The following HEATR4 variants were observed in gnomAD, a reference collection of about 807,000 sequenced individuals.
HEATR4 encodes the protein HEAT repeat-containing protein 4.
HEATR4 carries 95 observed loss-of-function variants against 108.8 expected under a neutral mutation model. The observed-to-expected ratio is 0.87, with a 90% CI of 0.74 to 1.04. HEATR4 has a LOEUF of 1.04. Ranked by LOEUF, HEATR4 falls within the 50% of genes least tolerant of loss-of-function variation. The pLI is 0.00. For synonymous variants in HEATR4, 443 were observed against 459.4 expected, an observed-to-expected ratio of 0.96 and a Z score of 0.46; for missense variants, 1,152 against 1,253.8, an observed-to-expected ratio of 0.92 and a Z score of 1.23.
the HEATR4 span, among the ~76,000 whole-genome samples, chr14:73,625,160 G>A: frequency 3.3e-5 from 5 of 151,942 alleles, no homozygotes; most frequent in East Asian, 3.9e-4. Flanking sequence ...CTGGATTCAA[G>A]CGATTCTCCT....
chr14:73,571,167 G>T, the HEATR4 span: 1 of 151,600 alleles, frequency 6.6e-6, no homozygotes, highest in Middle Eastern at 3.1e-3. Context: ...CCCGCTGGCT[G>T]GCTATGATCT....
intron 2 of HEATR4, among the ~76,000 whole-genome samples, chr14:73,524,813 A>T (rs1209849385): frequency 2.6e-5 from 4 of 151,832 alleles, no homozygotes; most frequent in Non-Finnish European, 5.9e-5. Flanking sequence ...AGAGACCATT[A>T]TTCCATATGT....
the HEATR4 span, among the ~76,000 whole-genome samples, chr14:73,566,374 T>C: frequency 1.3e-5 from 2 of 151,980 alleles, no homozygotes; most frequent in African/African-American, 2.4e-5. Context: ...CTGGGCTCCG[T>C]GGAGCAGGGG....
At position 73,512,048 on chromosome 14, in the gene HEATR4, C is replaced by T. The variant is rs779573593; in HGVS notation, c.1516G>A (p.Ala506Thr). 6.2e-7 allele frequency: 1 copy of T among 1,614,090 alleles called. No individual in the cohort carries two copies. The highest frequency in any genetic ancestry group is 1.7e-5 in the Admixed American group (1 of 60,008). The stretch of plus-strand genomic sequence containing the variant: ...GTGGCAATCCGGGGCCGTTCCAAAG[C>T]AGCTGTGGCACATGTGGTGATAGCT... Reference protein sequence around the residue: ...IKAITTCATAALERPRIATSQ... With the variant: ...IKAITTCATATLERPRIATSQ... Residue 506 changes from alanine to threonine, a missense_variant, in exon 7 of 18, where the codon GCT becomes ACT. Transcript: ENST00000553558.
At position 73,512,048 on chromosome 14, in the gene HEATR4, C is replaced by A; in HGVS notation, c.1516G>T (p.Ala506Ser). The A allele has an allele frequency of 6.2e-7, 1 of 1,614,090 alleles. No homozygotes were observed. ...IKAITTCATAALERPRIATSQ... is the reference protein window; with the variant it reads ...IKAITTCATASLERPRIATSQ... ...GTGGCAATCCGGGGCCGTTCCAAAG[C>A]AGCTGTGGCACATGTGGTGATAGCT... Residue 506 changes from alanine to serine, a missense_variant, in exon 7 of 18, where the codon GCT (alanine) becomes TCT (serine). Coordinates refer to ENST00000553558, the MANE Select transcript of HEATR4 (RefSeq NM_001220484.1).
At chr14:73,602,813 C>A in the HEATR4 span, among the ~76,000 whole-genome samples, 16 of 152,102 alleles carry the variant, frequency 1.1e-4, no homozygotes, top group Non-Finnish European at 1.5e-5. Context: ...TGTAACTAAC[C>A]ACGTCAAATA....
rs1340134703 is a variant in HEATR4 at position 73,553,385 on chromosome 14, C to A, written c.-152+5366G>T. 9.8e-5 allele frequency among the ~76,000 whole-genome samples: 11 copies of A among 112,238 alleles called. 3 individuals are homozygous for A. The highest frequency in any genetic ancestry group is 2.9e-4 in the South Asian group (1 of 3,500). 73.6% of individuals were successfully genotyped at this position (112,238 alleles called of 152,430 possible). A position where few individuals can be genotyped will look rare whatever the true frequency, so the allele number is the denominator to read the frequency against. ...AATTAGCTGGGCTTGGTAGCACTCG[C>A]CTGTAATCCCAGCTACGGGGGAGGC... On this transcript the variant is annotated intron_variant, in intron 1 of 17. Transcript: ENST00000553558.
At chr14:73,569,042 G>A in the HEATR4 span, 5 of 672,916 alleles carry the variant, frequency 7.4e-6, no homozygotes, top group African/African-American at 3.6e-5. Flanking sequence ...CCATTCCGCA[G>A]GCCAGCAAGC....
the HEATR4 span, among the ~76,000 whole-genome samples, chr14:73,628,628 C>G: frequency 6.6e-6 from 1 of 152,160 alleles, no homozygotes. Flanking sequence ...TGGCGCATGC[C>G]TGTAATCCCA....
the HEATR4 span, among the ~76,000 whole-genome samples, chr14:73,593,443 A>G: frequency 7.2e-6 from 1 of 138,832 alleles, no homozygotes; most frequent in African/African-American, 2.7e-5. Context: ...GGCTCAAGTG[A>G]TCCTCCCTCC....
At position 73,522,978 on chromosome 14, in the gene HEATR4, G is replaced by C. The variant is rs751814732; in HGVS notation, c.175C>G (p.Arg59Gly). 1 of 1,614,078 alleles carries C rather than the reference G, an allele frequency of 6.2e-7. No individual in the cohort carries two copies. The highest frequency in any genetic ancestry group is 8.5e-7 in the Non-Finnish European group (1 of 1,180,042). The change falls in exon 3 of 18, where the codon CGC becomes GGC. Residue 59 changes from arginine (R) to glycine (G), a missense_variant. By Grantham distance (125) the Arg-to-Gly change is moderately radical (BLOSUM62 -2). Coordinates refer to ENST00000553558, the MANE Select transcript of HEATR4 (RefSeq NM_001220484.1). Reference sequence around the variant, plus strand: ...GCCATTTTCAAATATTGGCTCTTGCGGTGTAGACGGTACTGTGAGCTGAAG... The same window carrying C: ...GCCATTTTCAAATATTGGCTCTTGCCGTGTAGACGGTACTGTGAGCTGAAG... ...VFFSSQYRLH[R>G]KSQYLKMAAA... is the part of the protein sequence containing the mutation.
rs1448569929 is a variant in HEATR4, at chr14:73,492,493, T to C, written c.2844+573A>G. The C allele has an allele frequency of 5.6e-6, 9 of 1,613,582 alleles. No homozygotes were observed. In the African/African-American group the frequency reaches 9.3e-5, roughly 17 times the overall value. On this transcript the variant is annotated intron_variant, in intron 17 of 17. Transcript: ENST00000553558. The surrounding 1 kb of genome is among the most constrained non-coding windows in gnomAD (Gnocchi z 4.9). Reference sequence around the variant, plus strand: ...TGGTTGCCCGCCTGGGACACTTTGCTCCTGTTGATGCTGTGGCCGACCAGC... The same window carrying C: ...TGGTTGCCCGCCTGGGACACTTTGCCCCTGTTGATGCTGTGGCCGACCAGC...
chr14:73,577,394 G>A, the HEATR4 span, among the ~76,000 whole-genome samples: 25 of 137,180 alleles, frequency 1.8e-4, 1 homozygote, highest in African/African-American at 6.3e-4. Context: ...AAGAATGCCA[G>A]TGCTGGGCAT....
In HEATR4 at chr14:73,548,245, TAAAG is replaced by T. The variant is rs1379363278; in HGVS notation, c.-152+10502_-152+10505del. On this transcript the variant is annotated intron_variant, in intron 1 of 17. Coordinates refer to ENST00000553558, the MANE Select transcript of HEATR4 (RefSeq NM_001220484.1). ...CCAATATAATAAGAGTGAGGTGTGA[TAAAG>T]AGAGTGAGTTTTATTATCCATGCTA... Among the ~76,000 whole-genome samples, 5 of 115,680 alleles carry T rather than the reference TAAAG, an allele frequency of 4.3e-5. 1 individual carries two copies. In the Admixed American group the frequency reaches 4.9e-4, roughly 11 times the overall value. 75.9% of individuals were successfully genotyped at this position (115,680 alleles called of 152,430 possible).
intron 8 of HEATR4, among the ~76,000 whole-genome samples, chr14:73,508,967 A>C (rs1566831375): frequency 1.3e-5 from 2 of 151,980 alleles, no homozygotes; most frequent in East Asian, 3.9e-4. Context: ...ATAAGCATGT[A>C]TATATAGGTC....
At chr14:73,573,292 G>C in the HEATR4 span, 1 of 1,560,764 alleles carries the variant, frequency 6.4e-7, no homozygotes, top group Non-Finnish European at 8.8e-7. Context: ...GAGTGGGATT[G>C]CTGGGTCACA....
chr14:73,490,991 G>A (rs1419583594), intron 17 of HEATR4: 3 of 1,345,772 alleles, frequency 2.2e-6, no homozygotes, highest in Non-Finnish European at 2.9e-6. Flanking sequence ...CGGCCGGCCG[G>A]GCGGGGAAGA....
chr14:73,567,087 G>A, the HEATR4 span, among the ~76,000 whole-genome samples: 3 of 152,072 alleles, frequency 2.0e-5, no homozygotes, highest in African/African-American at 4.8e-5. Context: ...GATTACAGGT[G>A]TGAGCCACCG....
chr14:73,546,352 A>G (rs1244299801), intron 1 of HEATR4, among the ~76,000 whole-genome samples: 1 of 104,224 alleles, frequency 9.6e-6, no homozygotes, highest in Non-Finnish European at 2.0e-5. Flanking sequence ...CAGCCTCTTG[A>G]CATTTCGTAT....
Sources: allele counts gnomAD v4.1 joint callset (sites outside exome capture counted in the v4.1 genomes callset), GRCh38; gene constraint gnomAD v4.1.1; non-coding constraint Gnocchi (gnomAD v3.1); transcripts MANE v1.5; gene names NCBI Gene and HGNC (gene_info 2026-07-23, HGNC 2026-07-21).